Variants in MYRIP observed in about 807,000 individuals in gnomAD.
MYRIP encodes the protein myosin VIIA and Rab interacting protein.
MYRIP carries 49 observed loss-of-function variants against 98.0 expected under a neutral mutation model. The observed-to-expected ratio is 0.50, with a 90% confidence interval of 0.40 to 0.63. The LOEUF is 0.63. Among genes scored for constraint, MYRIP ranks in the 30% least tolerant of loss-of-function variants. MYRIP has a pLI of 0.00. For missense variants in MYRIP, 1,004 were observed against 1,058.2 expected (o/e 0.95, Z 0.71); for synonymous variants, 404 against 409.5 (o/e 0.99, Z 0.16).
chr3:40,109,590 A>G (rs537471599), intron 3 of MYRIP, among the ~76,000 whole-genome samples: 1 of 152,296 alleles, frequency 6.6e-6, no homozygotes, highest in South Asian at 2.1e-4. Context: ...TTTCAGAAGG[A>G]GAATGCAGGC....
intron 4 of MYRIP, among the ~76,000 whole-genome samples, chr3:40,155,722 T>A (rs1452712767): frequency 2.0e-5 from 3 of 151,958 alleles, no homozygotes; most frequent in African/African-American, 7.3e-5. Flanking sequence ...TGGTTTTGAT[T>A]TGCATTTCTC....
At chr3:40,097,179 C>T (rs757418097) in intron 3 of MYRIP, among the ~76,000 whole-genome samples, 16 of 152,188 alleles carry the variant, frequency 1.1e-4, no homozygotes, top group African/African-American at 3.4e-4. Flanking sequence ...GACTCCTGTA[C>T]GGTTCTAAGC....
chr3:40,180,331 C>A (rs1457319794), intron 8 of MYRIP, among the ~76,000 whole-genome samples: 1 of 152,210 alleles, frequency 6.6e-6, no homozygotes. Flanking sequence ...CACTCGATAG[C>A]AAACATTCAT....
chr3:40,013,061 C>T (rs1013540310), intron 2 of MYRIP, among the ~76,000 whole-genome samples: 14 of 152,074 alleles, frequency 9.2e-5, no homozygotes, highest in Admixed American at 2.6e-4. Context: ...CATTTCTTGC[C>T]GACACTGTTG....
At chr3:40,231,856 TA>T (rs922609953) in intron 11 of MYRIP, among the ~76,000 whole-genome samples, 18 of 152,376 alleles carry the variant, frequency 1.2e-4, no homozygotes, top group African/African-American at 4.3e-4. Context: ...GCAATTTTTC[TA>T]AACACGTTTT....
At chr3:39,943,338 A>C (rs1299115278) in intron 2 of MYRIP, among the ~76,000 whole-genome samples, 1 of 152,214 alleles carries the variant, frequency 6.6e-6, no homozygotes, top group African/African-American at 2.4e-5. Context: ...GAGGAAAAAC[A>C]AATGGAAAAC....
At chr3:40,033,748 G>A (rs972611580) in intron 2 of MYRIP, among the ~76,000 whole-genome samples, 2 of 152,130 alleles carry the variant, frequency 1.3e-5, no homozygotes, top group Admixed American at 1.3e-4. Context: ...AACCAAAAAA[G>A]AGGCGGCATT....
At chr3:40,191,352 T>C (rs1289530398) in intron 10 of MYRIP, among the ~76,000 whole-genome samples, 1 of 152,206 alleles carries the variant, frequency 6.6e-6, no homozygotes, top group African/African-American at 2.4e-5. Context: ...TTGATTGTGC[T>C]ATGCCCTTGC....
chr3:40,081,237 T>C (rs1948472829), intron 3 of MYRIP, among the ~76,000 whole-genome samples: 1 of 152,174 alleles, frequency 6.6e-6, no homozygotes, highest in Non-Finnish European at 1.5e-5. Flanking sequence ...GTCTTATGTA[T>C]GATCTTTAGA....
intron 1 of MYRIP, among the ~76,000 whole-genome samples, chr3:39,836,574 C>T (rs144922075): frequency 2.7e-4 from 41 of 152,158 alleles, no homozygotes; most frequent in African/African-American, 9.4e-4. Context: ...GCATTAGCTG[C>T]GGGGAGTCTG....
At chr3:40,197,397 C>G (rs1000683255) in intron 10 of MYRIP, among the ~76,000 whole-genome samples, 2 of 152,172 alleles carry the variant, frequency 1.3e-5, no homozygotes, top group Middle Eastern at 3.2e-3. Flanking sequence ...ACCCCCTGCT[C>G]TATGCAATCC....
intron 2 of MYRIP, among the ~76,000 whole-genome samples, chr3:40,003,043 T>TATAA (rs10625712): frequency 0.87 from 132,029 of 150,962 alleles, 58,821 homozygotes; most frequent in Non-Finnish European, 0.96. Flanking sequence ...TATCTATAGA[T>TATAA]ATAGAGACAG....
At chr3:39,833,677 C>T (rs902388324) in intron 1 of MYRIP, among the ~76,000 whole-genome samples, 1 of 152,148 alleles carries the variant, frequency 6.6e-6, no homozygotes, top group Admixed American at 6.6e-5. Flanking sequence ...TGCACAGATT[C>T]CACTGGTCAC....
intron 11 of MYRIP, among the ~76,000 whole-genome samples, chr3:40,212,701 C>T (rs1951997783): frequency 1.3e-5 from 2 of 152,070 alleles, no homozygotes; most frequent in Admixed American, 6.6e-5. Context: ...GGTTGAGGCT[C>T]ATCACTGGAC....
In MYRIP at chr3:40,123,458, C is replaced by T. The variant is rs116329127; in HGVS notation, c.333-27590C>T. Reference sequence around the variant, plus strand: ...GAGCAACTGGAGCCCGCCAGCCATCCTTCTCGTTCCCTGTGGCCTCCCCAT... The same window carrying T: ...GAGCAACTGGAGCCCGCCAGCCATCTTTCTCGTTCCCTGTGGCCTCCCCAT... On this transcript the variant is annotated intron_variant, in intron 3 of 16. Coordinates refer to ENST00000302541, the MANE Select transcript of MYRIP (RefSeq NM_015460.4). Among the ~76,000 whole-genome samples the T allele has an allele frequency of 7.2e-3, 1,094 of 152,338 alleles. 17 individuals carry two copies. Among genetic ancestry groups the T allele is most frequent in the African/African-American group, 0.025 (1,036 of 41,572 alleles).
chr3:40,051,989 T>C lies in MYRIP; in HGVS notation c.332+7718T>C, dbSNP rs1278811849. On this transcript the variant is annotated intron_variant, in intron 3 of 16. Transcript: ENST00000302541. ...TGTGTCGTGATCAAATCAGGGTAAC[T>C]GGAATATCCATCACCTGAAACATTT... 3.3e-5 allele frequency among the ~76,000 whole-genome samples: 5 copies of C among 152,310 alleles called. No individual in the cohort carries two copies. In the East Asian group the frequency reaches 7.7e-4, roughly 24 times the overall value.
At chr3:40,203,857 TTA>T (rs1237285062) in intron 10 of MYRIP, among the ~76,000 whole-genome samples, 5 of 8,172 alleles carry the variant, frequency 6.1e-4, no homozygotes, top group African/African-American at 1.9e-3. Flanking sequence ...ATTTATATTT[TTA>T]TATATATTTA....
At position 39,952,299 on chromosome 3, in the gene MYRIP, G is replaced by A. The variant is rs1248960475; in HGVS notation, c.110+51373G>A. Reference sequence around the variant, plus strand: ...CATTTTGCTTATCCATTCACTCAATGCATTGTTTTCACTCCCTAGCCATTA... The same window carrying A: ...CATTTTGCTTATCCATTCACTCAATACATTGTTTTCACTCCCTAGCCATTA... On this transcript the variant is annotated intron_variant, in intron 2 of 16. Coordinates refer to ENST00000302541, the MANE Select transcript of MYRIP (RefSeq NM_015460.4). 2.0e-5 allele frequency among the ~76,000 whole-genome samples: 3 copies of A among 152,152 alleles called. No individual in the cohort carries two copies. In the East Asian group the frequency reaches 5.8e-4, roughly 29 times the overall value.
chr3:39,828,101 G>A (rs1941327947), intron 1 of MYRIP, among the ~76,000 whole-genome samples: 1 of 152,098 alleles, frequency 6.6e-6, no homozygotes, highest in South Asian at 2.1e-4. Context: ...GGTCCTTTGA[G>A]CTTCTAGGTG....
Sources: allele counts gnomAD v4.1 joint callset (sites outside exome capture counted in the v4.1 genomes callset), GRCh38; gene constraint gnomAD v4.1.1; transcripts MANE v1.5; gene names NCBI Gene and HGNC (gene_info 2026-07-23, HGNC 2026-07-21).